TMOD1: variants seen among roughly 807,000 people sequenced by gnomAD.
TMOD1 encodes tropomodulin 1, also known as tropomodulin-1.
Under a neutral mutation model 40.6 loss-of-function variants are expected in TMOD1, and 17 were observed. That is an observed-to-expected ratio of 0.42 (90% confidence interval 0.29 to 0.63). The LOEUF (loss-of-function observed/expected upper bound fraction) is 0.63. Among genes scored for constraint, TMOD1 ranks in the 20% least tolerant of loss-of-function variants. TMOD1 has a pLI of 0.22. For synonymous variants in TMOD1, 181 were observed against 175.0 expected (o/e 1.03, Z -0.27); for missense variants, 391 against 447.6 (o/e 0.87, Z 1.14).
intron 9 of TMOD1, among the ~76,000 whole-genome samples, chr9:97,593,770 T>G (rs967684545): frequency 6.6e-6 from 1 of 151,516 alleles, no homozygotes; most frequent in Non-Finnish European, 1.5e-5. Context: ...AAGGAAGAGA[T>G]AGGTTGATGG....
In TMOD1 at chr9:97,557,187, T is replaced by C. The variant is rs535092085; in HGVS notation, c.397+3787T>C. Reference sequence around the variant, plus strand: ...CTTAAAATCTTTTATCACTTCAACATGTAGATTTCAACATTAAAAGCGTCC... The same window carrying C: ...CTTAAAATCTTTTATCACTTCAACACGTAGATTTCAACATTAAAAGCGTCC... On this transcript the variant is annotated intron_variant, in intron 4 of 9. Transcript: ENST00000259365. The surrounding 1 kb of genome is among the most constrained non-coding windows in gnomAD (Gnocchi z 4.4). 6.6e-6 allele frequency among the ~76,000 whole-genome samples: 1 copy of C among 152,166 alleles called. No individual in the cohort carries two copies.
chr9:97,513,500 A>T lies in TMOD1; in HGVS notation c.-48-10641A>T, dbSNP rs1423034531. Among the ~76,000 whole-genome samples, 2 of 152,200 alleles carry T rather than the reference A, an allele frequency of 1.3e-5. No individual in the cohort carries two copies. The highest frequency in any genetic ancestry group is 1.3e-4 in the Admixed American group (2 of 15,286). On this transcript the variant is annotated intron_variant, in intron 1 of 9. Coordinates refer to ENST00000259365, the MANE Select transcript of TMOD1 (RefSeq NM_003275.4). The surrounding 1 kb of genome is among the most constrained non-coding windows in gnomAD (Gnocchi z 4.1). ...CACCTGTAAAGGAAACTAAGGGCCC[A>T]GGGCATCTGTTCTGCTCCAGGGGTG... is the stretch of plus-strand genomic sequence containing the variant.
chr9:97,552,239 C>T (rs1425504809), intron 3 of TMOD1, among the ~76,000 whole-genome samples: 1 of 152,260 alleles, frequency 6.6e-6, no homozygotes, highest in South Asian at 2.1e-4. Context: ...TAAAAGTGGG[C>T]ACCCTTGTCT....
At position 97,524,171 on chromosome 9, in the gene TMOD1, C is replaced by G; in HGVS notation, c.-18C>G. 6.2e-7 allele frequency: 1 copy of G among 1,611,850 alleles called. No homozygotes were observed. Among genetic ancestry groups the G allele is most frequent in the South Asian group, 1.1e-5 (1 of 90,626 alleles). On this transcript the variant is annotated 5_prime_UTR_variant, in exon 2 of 10. Transcript: ENST00000259365. Reference sequence around the variant, plus strand: ...ACTCAGCACAGAAATTCAGGAGACACAGACAAGTTCTTCCACGATGTCGTA... The same window carrying G: ...ACTCAGCACAGAAATTCAGGAGACAGAGACAAGTTCTTCCACGATGTCGTA...
intron 8 of TMOD1, among the ~76,000 whole-genome samples, chr9:97,574,770 A>G (rs1406412329): frequency 6.6e-6 from 1 of 152,204 alleles, no homozygotes; most frequent in Non-Finnish European, 1.5e-5. Context: ...AGGGTTTGCA[A>G]ATGCACCAAT....
rs759569745 is a variant in TMOD1 at position 97,599,506 on chromosome 9, A to G, written c.1016-128A>G. On this transcript the variant is annotated intron_variant, in intron 9 of 9. Coordinates refer to ENST00000259365, the MANE Select transcript of TMOD1 (RefSeq NM_003275.4). ...ACAACTCACACATACTGTCCTTTCA[A>G]AACAACAGACTTCAGACTCTGTTAA... 4.6e-5 allele frequency: 55 copies of G among 1,198,296 alleles called. No homozygotes were observed. The South Asian group carries it at 6.4e-4, about 14-fold the overall frequency. 74.2% of individuals were successfully genotyped at this position (1,198,296 alleles called of 1,614,324 possible). A position where few individuals can be genotyped will look rare whatever the true frequency, so the allele number is the denominator to read the frequency against.
chr9:97,596,590 C>T (rs1211660509), intron 9 of TMOD1, among the ~76,000 whole-genome samples: 1 of 152,146 alleles, frequency 6.6e-6, no homozygotes, highest in Non-Finnish European at 1.5e-5. Flanking sequence ...TGGGCAGGAC[C>T]GGGATTTGAA....
Position 97,601,382 on chromosome 9 carries a change from G to A in TMOD1, c.*1684G>A, listed in dbSNP as rs1587972550. On this transcript the variant is annotated 3_prime_UTR_variant, in exon 10 of 10. Transcript: ENST00000259365. Reference sequence around the variant, plus strand: ...TAAGAATGTGTCATGTATTCCAGGTGCTGATCTAAAAACTGTGGCTCAAAT... The same window carrying A: ...TAAGAATGTGTCATGTATTCCAGGTACTGATCTAAAAACTGTGGCTCAAAT... The A allele has an allele frequency of 9.4e-7, 1 of 1,062,472 alleles. No homozygotes were observed. The highest frequency in any genetic ancestry group is 1.1e-6 in the Non-Finnish European group (1 of 873,314). The allele number at this position is 1,062,472 out of a possible 1,614,324, so 65.8% of individuals were successfully genotyped here.
intron 2 of TMOD1, among the ~76,000 whole-genome samples, chr9:97,542,209 G>A (rs1330684594): frequency 6.6e-6 from 1 of 152,156 alleles, no homozygotes; most frequent in African/African-American, 2.4e-5. Context: ...ACAATCAGGA[G>A]TTTAAAAATA....
chr9:97,508,391 T>C (rs1310236924), intron 1 of TMOD1, among the ~76,000 whole-genome samples: 1 of 152,072 alleles, frequency 6.6e-6, no homozygotes, highest in East Asian at 1.9e-4. Context: ...GGTTTCGCCA[T>C]GTTGGTCAGG....
intron 4 of TMOD1, among the ~76,000 whole-genome samples, chr9:97,560,281 A>G (rs1479021847): frequency 6.6e-6 from 1 of 152,106 alleles, no homozygotes; most frequent in Non-Finnish European, 1.5e-5. Flanking sequence ...CACCACATAG[A>G]TTCTGAGGCA....
chr9:97,521,236 TG>T (rs1564230604), intron 1 of TMOD1, among the ~76,000 whole-genome samples: 1 of 152,266 alleles, frequency 6.6e-6, no homozygotes, highest in East Asian at 1.9e-4. Context: ...TAAAAAAGAC[TG>T]GGGGAATTCT....
At chr9:97,580,044 G>A (rs990234002) in intron 8 of TMOD1, among the ~76,000 whole-genome samples, 2 of 152,056 alleles carry the variant, frequency 1.3e-5, no homozygotes, top group Non-Finnish European at 2.9e-5. Context: ...GAGAGAGAAG[G>A]AAAGCAAAGA....
intron 8 of TMOD1, among the ~76,000 whole-genome samples, chr9:97,581,656 G>T (rs1384047150): frequency 6.7e-6 from 1 of 149,978 alleles, no homozygotes; most frequent in Admixed American, 6.8e-5. Context: ...TCCAGCACCT[G>T]TTGTTTCCTG....
At chr9:97,511,771 G>GACA (rs1829703870) in intron 1 of TMOD1, among the ~76,000 whole-genome samples, 1 of 152,118 alleles carries the variant, frequency 6.6e-6, no homozygotes, top group Non-Finnish European at 1.5e-5. Flanking sequence ...TGTTTGTAGA[G>GACA]ACAAGGTCTC....
intron 5 of TMOD1, 93 bp from the exon 6 acceptor site, chr9:97,563,945 C>A: frequency 7.0e-6 from 10 of 1,435,258 alleles, no homozygotes; most frequent in Non-Finnish European, 9.4e-6. Flanking sequence ...CGTGCCCCAA[C>A]CCTGCACATG....
chr9:97,505,771 T>C (rs1487912113), intron 1 of TMOD1, among the ~76,000 whole-genome samples: 2 of 152,140 alleles, frequency 1.3e-5, no homozygotes, highest in Non-Finnish European at 2.9e-5. Context: ...CTGTCAATGC[T>C]ACCTTCCTTA....
At position 97,576,882 on chromosome 9, in the gene TMOD1, G is replaced by A. The variant is rs147711855; in HGVS notation, c.870+7845G>A. On this transcript the variant is annotated intron_variant, in intron 8 of 9. Transcript: ENST00000259365. ...TCTCGATCTCCTGACCTTGTGATCCGCCCACCTCGGCCTCCCAAATTGCTG... is the reference window on the plus strand; with the variant it reads ...TCTCGATCTCCTGACCTTGTGATCCACCCACCTCGGCCTCCCAAATTGCTG... Among the ~76,000 whole-genome samples, 246 of 151,978 alleles carry A rather than the reference G, an allele frequency of 1.6e-3. 1 individual carries two copies. Among genetic ancestry groups the A allele is most frequent in the African/African-American group, 5.6e-3 (232 of 41,444 alleles).
intron 8 of TMOD1, among the ~76,000 whole-genome samples, chr9:97,573,247 C>T (rs562670665): frequency 1.6e-3 from 246 of 152,348 alleles, no homozygotes; most frequent in African/African-American, 5.7e-3. Flanking sequence ...CCCCAGGACC[C>T]CCAGGGCACC....
Sources: gnomAD v4.1 joint callset for allele counts (sites outside exome capture counted in the v4.1 genomes callset) on GRCh38, gnomAD v4.1.1 for gene constraint, Gnocchi (gnomAD v3.1) non-coding constraint, MANE v1.5 for transcripts, NCBI Gene and HGNC (gene_info 2026-07-23, HGNC 2026-07-21) for gene names.